The following AGMO variants were observed in gnomAD, a reference collection of about 807,000 sequenced individuals.
AGMO encodes alkylglycerol monooxygenase, also known as glyceryl-ether monooxygenase.
In AGMO, 75 loss-of-function variants were observed where a neutral mutation model predicts 60.2. The observed-to-expected ratio is 1.25, with a 90% CI of 1.03 to 1.51. AGMO has a LOEUF of 1.51. Ranked by LOEUF, AGMO falls within the 40% of genes most tolerant of loss-of-function variation. The probability of loss-of-function intolerance (pLI) is 0.00; values close to 1 mark genes in which losing one functional copy is unlikely to be tolerated. For missense variants in AGMO, 763 were observed against 525.5 expected (o/e 1.45, Z -4.42); for synonymous variants, 261 against 177.1 (o/e 1.47, Z -3.76).
chr7:15,496,661 G>A (rs555190543), intron 3 of AGMO, among the ~76,000 whole-genome samples: 31 of 152,218 alleles, frequency 2.0e-4, no homozygotes, highest in Non-Finnish European at 3.5e-4. Context: ...AAAATCTAGC[G>A]AGTGGGTGGT....
intron 12 of AGMO, among the ~76,000 whole-genome samples, chr7:15,235,447 T>G (rs1230906210): frequency 2.6e-5 from 4 of 152,150 alleles, no homozygotes; most frequent in African/African-American, 9.7e-5. Flanking sequence ...AATTTAAGGT[T>G]TCTTCATTTA....
chr7:15,379,453 C>T (rs888403549), intron 10 of AGMO, among the ~76,000 whole-genome samples: 14 of 152,050 alleles, frequency 9.2e-5, no homozygotes, highest in African/African-American at 3.4e-4. Flanking sequence ...CACAGAAGTA[C>T]AAACAACAAT....
At chr7:15,294,223 T>C (rs1189704557) in intron 12 of AGMO, among the ~76,000 whole-genome samples, 1 of 151,698 alleles carries the variant, frequency 6.6e-6, no homozygotes, top group Admixed American at 6.6e-5. Flanking sequence ...AGATATTATT[T>C]TTTTCTAAAG....
chr7:15,445,169 T>C lies in AGMO; in HGVS notation c.410-14061A>G, dbSNP rs563772342. 1.5e-4 allele frequency among the ~76,000 whole-genome samples: 23 copies of C among 152,342 alleles called. No homozygotes were observed. The South Asian group carries it at 2.3e-3, about 15-fold the overall frequency. ...CTTGTTTCTTACTAACAAACAATTG[T>C]ATATTTAAGAAAACTATGAAGAGAA... On this transcript the variant is annotated intron_variant, in intron 3 of 12. Transcript: ENST00000342526.
intron 12 of AGMO, among the ~76,000 whole-genome samples, chr7:15,239,275 T>C (rs1017279129): frequency 6.6e-6 from 1 of 152,138 alleles, no homozygotes; most frequent in Admixed American, 6.5e-5. Flanking sequence ...ATAGGATCCA[T>C]AGGAACGTTT....
At chr7:15,224,160 G>A (rs1782005244) in intron 12 of AGMO, among the ~76,000 whole-genome samples, 1 of 151,660 alleles carries the variant, frequency 6.6e-6, no homozygotes. Context: ...CAGAGTTCTG[G>A]AATCAGATTA....
chr7:15,432,361 T>TACACACACACAC (rs1554271578), intron 3 of AGMO, among the ~76,000 whole-genome samples: 3 of 123,932 alleles, frequency 2.4e-5, no homozygotes, highest in African/African-American at 9.1e-5. Flanking sequence ...CATATATATA[T>TACACACACACAC]ACACACACAT....
At chr7:15,334,604 C>A (rs1781594745) in intron 12 of AGMO, among the ~76,000 whole-genome samples, 1 of 152,174 alleles carries the variant, frequency 6.6e-6, no homozygotes, top group Admixed American at 6.6e-5. Flanking sequence ...CTTTCCACTA[C>A]AAGGCAGGTG....
At chr7:15,392,341 G>T (rs1312566544) in intron 6 of AGMO, among the ~76,000 whole-genome samples, 2 of 151,238 alleles carry the variant, frequency 1.3e-5, no homozygotes, top group Non-Finnish European at 2.9e-5. Flanking sequence ...AAAGTGTTGG[G>T]ATTACAGGCG....
intron 5 of AGMO, among the ~76,000 whole-genome samples, chr7:15,415,581 C>T (rs1780742546): frequency 6.6e-6 from 1 of 151,888 alleles, no homozygotes; most frequent in Non-Finnish European, 1.5e-5. Flanking sequence ...TTCAAATCTT[C>T]AATATCAAAG....
At chr7:15,308,710 T>C (rs970103308) in intron 12 of AGMO, among the ~76,000 whole-genome samples, 7 of 152,210 alleles carry the variant, frequency 4.6e-5, no homozygotes, top group Non-Finnish European at 7.3e-5. Context: ...TCTGTTGATA[T>C]ATTATTACAG....
chr7:15,216,073 T>G (rs1781728092), intron 12 of AGMO, among the ~76,000 whole-genome samples: 1 of 152,062 alleles, frequency 6.6e-6, no homozygotes, highest in Non-Finnish European at 1.5e-5. Context: ...GGACCAGACC[T>G]CAAAGGCTCA....
intron 12 of AGMO, among the ~76,000 whole-genome samples, chr7:15,275,586 G>C (rs903351891): frequency 1.3e-5 from 2 of 152,012 alleles, no homozygotes; most frequent in Non-Finnish European, 2.9e-5. Flanking sequence ...CCCCTTTAAG[G>C]TTATAATTTC....
At chr7:15,275,717 C>A (rs1392015563) in intron 12 of AGMO, among the ~76,000 whole-genome samples, 2 of 151,896 alleles carry the variant, frequency 1.3e-5, no homozygotes, top group Admixed American at 6.6e-5. Flanking sequence ...TCTGGGTTTT[C>A]TGGTGTTGGG....
At position 15,327,212 on chromosome 7, in the gene AGMO, C is replaced by A. The variant is rs147728053; in HGVS notation, c.1263+38302G>T. Among the ~76,000 whole-genome samples the A allele has an allele frequency of 2.8e-4, 43 of 152,212 alleles. No homozygotes were observed. The East Asian group carries it at 7.2e-3, about 25-fold the overall frequency. On this transcript the variant is annotated intron_variant, in intron 12 of 12. Transcript: ENST00000342526. Reference sequence around the variant, plus strand: ...TCTTTGGAAGAAATGTTTTTGGACTCATCTACTACACCTCTATTTGATATT... The same window carrying A: ...TCTTTGGAAGAAATGTTTTTGGACTAATCTACTACACCTCTATTTGATATT...
intron 3 of AGMO, among the ~76,000 whole-genome samples, chr7:15,443,992 C>T (rs530990511): frequency 2.8e-4 from 43 of 152,254 alleles, no homozygotes; most frequent in African/African-American, 9.9e-4. Context: ...TTATGCAATG[C>T]TTATTATCCC....
chr7:15,485,050 C>T (rs1410240762), intron 3 of AGMO, among the ~76,000 whole-genome samples: 1 of 149,048 alleles, frequency 6.7e-6, no homozygotes, highest in African/African-American at 2.5e-5. Context: ...ATATGTTTTA[C>T]ACTTTGGGAG....
At chr7:15,445,840 C>A (rs1337106610) in intron 3 of AGMO, among the ~76,000 whole-genome samples, 2 of 152,138 alleles carry the variant, frequency 1.3e-5, no homozygotes, top group East Asian at 1.9e-4. Context: ...TCAATCATGG[C>A]TTCCATGAAC....
At chr7:15,342,650 T>TGC (rs1241411692) in intron 12 of AGMO, among the ~76,000 whole-genome samples, 3 of 151,862 alleles carry the variant, frequency 2.0e-5, no homozygotes, top group African/African-American at 4.8e-5. Flanking sequence ...CTCCTGATTT[T>TGC]GCGCGCGTGT....
Sources: gnomAD v4.1 joint callset for allele counts (sites outside exome capture counted in the v4.1 genomes callset) on GRCh38, gnomAD v4.1.1 for gene constraint, MANE v1.5 for transcripts, NCBI Gene and HGNC (gene_info 2026-07-23, HGNC 2026-07-21) for gene names.